TMEM248: variants seen among roughly 807,000 people sequenced by gnomAD.
The protein encoded by TMEM248 is UPF0458 protein C7orf42.
TMEM248 carries 9 observed loss-of-function variants against 30.3 expected under a neutral mutation model. The observed-to-expected ratio is 0.30, with a 90% CI of 0.18 to 0.52. TMEM248 has a LOEUF of 0.52. TMEM248 is among the 20% of genes least tolerant of loss of function. The pLI is 0.97. For missense variants in TMEM248, 338 were observed against 403.3 expected, an observed-to-expected ratio of 0.84 and a Z score of 1.39; for synonymous variants, 184 against 154.4, an observed-to-expected ratio of 1.19 and a Z score of -1.42.
chr7:66,935,369 G>A (rs973058968), intron 1 of TMEM248, among the ~76,000 whole-genome samples: 3 of 152,102 alleles, frequency 2.0e-5, no homozygotes, highest in African/African-American at 7.2e-5. Flanking sequence ...TTTTAGTAGA[G>A]ACAGGGTTTC....
chr7:66,954,158 A>G lies in TMEM248; in HGVS notation c.924+789A>G, dbSNP rs376335373. On this transcript the variant is annotated intron_variant, in intron 6 of 6. Coordinates refer to ENST00000341567, the MANE Select transcript of TMEM248 (RefSeq NM_017994.5). ...AGGGTTTCACCATGTTGTCCAGGCT[A>G]GTCTCGAACTGCTGTTATCAAGTGA... Among the ~76,000 whole-genome samples the G allele has an allele frequency of 5.5e-5, 8 of 146,048 alleles. No homozygotes were observed. In the East Asian group the frequency reaches 1.7e-3, roughly 31 times the overall value.
chr7:66,941,760 A>AC, intron 1 of TMEM248, 88 bp from the exon 2 acceptor site: 1 of 1,178,512 alleles, frequency 8.5e-7, no homozygotes, highest in Non-Finnish European at 1.2e-6. Flanking sequence ...CACCCAGCTC[A>AC]CCCCCCAACA....
chr7:66,948,650 C>T lies in TMEM248; in HGVS notation c.552C>T (p.Ala184=), dbSNP rs1374368850. The change falls in exon 4 of 7, where the codon GCC becomes GCT. Residue 184 remains alanine, a synonymous_variant. Coordinates refer to ENST00000341567, the MANE Select transcript of TMEM248 (RefSeq NM_017994.5). ...HGHCEQVVFT[A]CMTLTASPGV... ...ACTGTGAGCAGGTGGTATTCACAGCCTGCATGACCCTCACGGCCAGCCCTG... is the reference window on the plus strand; with the variant it reads ...ACTGTGAGCAGGTGGTATTCACAGCTTGCATGACCCTCACGGCCAGCCCTG... 3.7e-6 allele frequency: 6 copies of T among 1,613,940 alleles called. No homozygotes were observed. The African/African-American group carries it at 4.0e-5, about 11-fold the overall frequency.
chr7:66,945,264 A>C lies in TMEM248; in HGVS notation c.445+3A>C. ...AGGGCATCAGATTGGACTTTCAGGT[A>C]TGCAGTAGCCACTCTCCACTCAGGC... On this transcript the variant is annotated splice_donor_region_variant and intron_variant, in intron 3 of 6. Transcript: ENST00000341567. The C allele has an allele frequency of 6.2e-7, 1 of 1,611,822 alleles. No homozygotes were observed. Among genetic ancestry groups the C allele is most frequent in the Non-Finnish European group, 8.5e-7 (1 of 1,177,998 alleles).
chr7:66,949,120 T>C (rs1049074762), intron 4 of TMEM248, among the ~76,000 whole-genome samples: 3 of 141,424 alleles, frequency 2.1e-5, no homozygotes, highest in Non-Finnish European at 4.6e-5. Flanking sequence ...GGACAACATA[T>C]AGGGAGACCC....
At chr7:66,937,951 C>T (rs1003603037) in intron 1 of TMEM248, among the ~76,000 whole-genome samples, 3 of 152,128 alleles carry the variant, frequency 2.0e-5, no homozygotes, top group East Asian at 1.9e-4. Context: ...GTCTCGAACT[C>T]CTGACCTCAG....
Position 66,921,448 on chromosome 7 carries a change from C to T in TMEM248, c.-32C>T, listed in dbSNP as rs1791382269. Reference sequence around the variant, plus strand: ...CGGCTGGGCCCGGGGCGCGCAGCTGCCCGCCGGGGCGGGGTGAGCCGGGGC... The same window carrying T: ...CGGCTGGGCCCGGGGCGCGCAGCTGTCCGCCGGGGCGGGGTGAGCCGGGGC... On this transcript the variant is annotated 5_prime_UTR_variant, in exon 1 of 7. Coordinates refer to ENST00000341567, the MANE Select transcript of TMEM248 (RefSeq NM_017994.5). 1 of 150,342 alleles carries T rather than the reference C, an allele frequency of 6.7e-6. No individual in the cohort carries two copies. Among genetic ancestry groups the T allele is most frequent in the Non-Finnish European group, 1.5e-5 (1 of 67,486 alleles). The allele number at this position is 150,342 out of a possible 1,614,324, so 9.3% of individuals were successfully genotyped here. A position where few individuals can be genotyped will look rare whatever the true frequency, so the allele number is the denominator to read the frequency against.
intron 5 of TMEM248, chr7:66,951,429 A>G (rs554990247): frequency 7.5e-6 from 2 of 267,790 alleles, no homozygotes; most frequent in Admixed American, 1.1e-4. Context: ...GGATCCTTCT[A>G]TTAATATTAT....
chr7:66,931,297 C>CAAAAAAAAAAAAAAA (rs758131446), intron 1 of TMEM248, among the ~76,000 whole-genome samples: 1 of 64,396 alleles, frequency 1.6e-5, no homozygotes, highest in Non-Finnish European at 3.1e-5. Flanking sequence ...GACAATATCT[C>CAAAAAAAAAAAAAAA]AAAAAAAAAA....
intron 1 of TMEM248, among the ~76,000 whole-genome samples, 162 bp downstream of exon 1, chr7:66,921,623 C>T (rs1791387342): frequency 6.6e-6 from 1 of 152,270 alleles, no homozygotes; most frequent in South Asian, 2.1e-4. Flanking sequence ...GGTCGCCCAG[C>T]ATCGGCCGAC....
intron 1 of TMEM248, among the ~76,000 whole-genome samples, chr7:66,923,641 T>A (rs1791446341): frequency 6.6e-6 from 1 of 152,168 alleles, no homozygotes; most frequent in South Asian, 2.1e-4. Context: ...AAGATAAGCA[T>A]AAGCTACCCA....
At chr7:66,928,659 G>A (rs1389547818) in intron 1 of TMEM248, among the ~76,000 whole-genome samples, 1 of 152,078 alleles carries the variant, frequency 6.6e-6, no homozygotes, top group East Asian at 1.9e-4. Context: ...CCTGGTTTTT[G>A]CCTCTATCAC....
intron 1 of TMEM248, among the ~76,000 whole-genome samples, chr7:66,922,871 A>G (rs763079891): frequency 1.3e-5 from 2 of 151,848 alleles, no homozygotes; most frequent in Admixed American, 6.6e-5. Flanking sequence ...ATGCCCAGCT[A>G]ATTTTTGTAT....
chr7:66,939,390 G>A (rs142510489), intron 1 of TMEM248, among the ~76,000 whole-genome samples: 163 of 152,252 alleles, frequency 1.1e-3, no homozygotes, highest in African/African-American at 3.6e-3. Flanking sequence ...GAAATTCAAC[G>A]AACTAGATCA....
intron 1 of TMEM248, among the ~76,000 whole-genome samples, chr7:66,937,470 A>C (rs968390002): frequency 6.6e-6 from 1 of 152,188 alleles, no homozygotes. Context: ...GTCTCCAGCT[A>C]TGATTGTACT....
chr7:66,941,081 CTCT>C (rs1349231601), intron 1 of TMEM248, among the ~76,000 whole-genome samples: 2 of 152,036 alleles, frequency 1.3e-5, no homozygotes, highest in Non-Finnish European at 2.9e-5. Context: ...GAGACCCCAT[CTCT>C]TAAAAGGTAA....
At chr7:66,929,735 C>T (rs34758320) in intron 1 of TMEM248, among the ~76,000 whole-genome samples, 5,577 of 152,140 alleles carry the variant, frequency 0.037, 161 homozygotes, top group East Asian at 0.086. Context: ...GCTCAGACAA[C>T]AATTTAATTT....
At chr7:66,933,468 C>A (rs1051249524) in intron 1 of TMEM248, among the ~76,000 whole-genome samples, 1 of 152,176 alleles carries the variant, frequency 6.6e-6, no homozygotes, top group African/African-American at 2.4e-5. Flanking sequence ...GTAGTTAAAT[C>A]TTTGGAGCAA....
rs755057310 is a variant in TMEM248, at chr7:66,948,708, G to C, written c.596+14G>C. 6.3e-7 allele frequency: 1 copy of C among 1,592,466 alleles called. No homozygotes were observed. Among genetic ancestry groups the C allele is most frequent in the Non-Finnish European group, 8.6e-7 (1 of 1,163,066 alleles). On this transcript the variant is annotated intron_variant, in intron 4 of 6. Transcript: ENST00000341567. Reference sequence around the variant, plus strand: ...CCCCGTCACTGTGTAAGTGTACCCGGCACCTGATGAACGTGCGTAACAAGC... The same window carrying C: ...CCCCGTCACTGTGTAAGTGTACCCGCCACCTGATGAACGTGCGTAACAAGC...
Sources: allele counts gnomAD v4.1 joint callset (sites outside exome capture counted in the v4.1 genomes callset), GRCh38; gene constraint gnomAD v4.1.1; transcripts MANE v1.5; gene names NCBI Gene and HGNC (gene_info 2026-07-23, HGNC 2026-07-21).